The following DPY19L3 variants were observed in gnomAD, a reference collection of about 807,000 sequenced individuals.
DPY19L3 encodes the protein protein C-mannosyl-transferase DPY19L3.
DPY19L3 carries 51 observed loss-of-function variants against 92.3 expected under a neutral mutation model. The ratio of observed to expected loss-of-function variants is 0.55; its 90% confidence interval spans 0.44 to 0.70. The LOEUF (loss-of-function observed/expected upper bound fraction) is 0.70, where lower values mean the gene tolerates loss of function less well. Ranked by LOEUF, DPY19L3 falls within the 30% of genes least tolerant of loss-of-function variation. The pLI, the probability that DPY19L3 is intolerant of heterozygous loss-of-function variation, is 0.00. For missense variants in DPY19L3, 706 were observed against 855.9 expected (o/e 0.82, Z 2.18); for synonymous variants, 309 against 315.2 (o/e 0.98, Z 0.21).
chr19:32,455,059 CAT>C lies in DPY19L3; in HGVS notation c.1089+20_1089+21del. 7.1e-7 allele frequency: 1 copy of C among 1,403,474 alleles called. No homozygotes were observed. The highest frequency in any genetic ancestry group is 9.7e-7 in the Non-Finnish European group (1 of 1,029,796). 86.9% of individuals were successfully genotyped at this position (1,403,474 alleles called of 1,614,324 possible). On this transcript the variant is annotated intron_variant, in intron 10 of 18. Coordinates refer to ENST00000392250, the MANE Select transcript of DPY19L3 (RefSeq NM_001172774.2). ...AATTAAGGTAAGTTAATAAAAATGA[CAT>C]GTTTAATGTATTTTTAATTAACTTA...
rs578108981 is a variant in DPY19L3 at position 32,454,080 on chromosome 19, A to G, written c.987+804A>G. On this transcript the variant is annotated intron_variant, in intron 9 of 18. Transcript: ENST00000392250. ...TTGACTATCAAAAACAACAGTTCAC[A>G]GTCATCCTTTTAACCTTAATTATAA... 2.1e-3 allele frequency among the ~76,000 whole-genome samples: 322 copies of G among 152,340 alleles called. 2 individuals are homozygous for G. The highest frequency in any genetic ancestry group is 3.7e-3 in the Non-Finnish European group (252 of 68,036).
At chr19:32,417,307 C>G (rs887995505) in intron 3 of DPY19L3, among the ~76,000 whole-genome samples, 21 of 152,124 alleles carry the variant, frequency 1.4e-4, no homozygotes, top group African/African-American at 4.8e-4. Context: ...GTCACGAGAT[C>G]TGATGGCTTT....
At chr19:32,458,013 C>T in intron 10 of DPY19L3, 87 bp from the exon 11 acceptor site, 8 of 989,544 alleles carry the variant, frequency 8.1e-6, no homozygotes, top group African/African-American at 1.6e-5. Flanking sequence ...TGAAATTGGA[C>T]ACTGAATATG....
At chr19:32,455,180 G>C in intron 10 of DPY19L3, 140 bp downstream of exon 10, 1 of 575,234 alleles carries the variant, frequency 1.7e-6, no homozygotes, top group Non-Finnish European at 2.9e-6. Context: ...GGCTGGCCTT[G>C]AACACCTGGT....
At chr19:32,455,628 T>C (rs1416622055) in intron 10 of DPY19L3, among the ~76,000 whole-genome samples, 2 of 152,222 alleles carry the variant, frequency 1.3e-5, no homozygotes, top group Non-Finnish European at 2.9e-5. Context: ...CTATCTACTT[T>C]CTGCTGGAAA....
chr19:32,477,603 A>C lies in DPY19L3; in HGVS notation c.1779A>C (p.Leu593=), dbSNP rs763405271. 1.2e-6 allele frequency: 2 copies of C among 1,614,114 alleles called. No homozygotes were observed. Among genetic ancestry groups the C allele is most frequent in the Admixed American group, 3.3e-5 (2 of 60,022 alleles). ...AGVKLCTGRT[L]TNHPHYEDSS... is the part of the protein sequence containing the mutation. ...TCAAGCTGTGCACGGGAAGGACCCT[A>C]ACCAACCACCCGCACTATGAAGACA... The change falls in exon 17 of 19, where the codon CTA becomes CTC. Residue 593 remains leucine, a synonymous_variant. Transcript: ENST00000392250.
At chr19:32,454,586 AAAAAAG>A (rs900712525) in intron 9 of DPY19L3, among the ~76,000 whole-genome samples, 2 of 152,174 alleles carry the variant, frequency 1.3e-5, no homozygotes, top group African/African-American at 4.8e-5. Flanking sequence ...AAGAAAAAGA[AAAAAAG>A]AAAAAGATGT....
Position 32,447,821 on chromosome 19 carries a change from TAGATAGA to T in DPY19L3, c.856-5323_856-5317del, listed in dbSNP as rs1568344103. 5.6e-3 allele frequency among the ~76,000 whole-genome samples: 566 copies of T among 101,662 alleles called. 7 individuals are homozygous for T. The highest frequency in any genetic ancestry group is 0.045 in the South Asian group (154 of 3,414). The allele number at this position is 101,662 out of a possible 152,430, so 66.7% of individuals were successfully genotyped here. A position where few individuals can be genotyped will look rare whatever the true frequency, so the allele number is the denominator to read the frequency against. On this transcript the variant is annotated intron_variant, in intron 8 of 18. Coordinates refer to ENST00000392250, the MANE Select transcript of DPY19L3 (RefSeq NM_001172774.2). ...CTCATTCATAGATAGATAGATTAGA[TAGATAGA>T]TAGATAGATAGATAGATAGATAGAT... is the stretch of plus-strand genomic sequence containing the variant.
intron 14 of DPY19L3, 108 bp from the exon 15 acceptor site, chr19:32,464,620 T>C: frequency 1.6e-6 from 1 of 621,732 alleles, no homozygotes; most frequent in Non-Finnish European, 2.7e-6. Flanking sequence ...GAAAATCACT[T>C]GAGCCCAAGA....
intron 8 of DPY19L3, among the ~76,000 whole-genome samples, chr19:32,447,088 C>T (rs992546917): frequency 6.6e-6 from 1 of 152,114 alleles, no homozygotes; most frequent in South Asian, 2.1e-4. Context: ...GAATTAAGCT[C>T]ACTATTACAT....
intron 12 of DPY19L3, among the ~76,000 whole-genome samples, chr19:32,462,439 TAACA>T (rs1308898861): frequency 6.6e-6 from 1 of 152,206 alleles, no homozygotes; most frequent in African/African-American, 2.4e-5. Context: ...GTTTCCTCAA[TAACA>T]AACCACTGAA....
intron 17 of DPY19L3, 59 bp downstream of exon 17, chr19:32,477,713 CTA>C: frequency 6.2e-7 from 1 of 1,603,706 alleles, no homozygotes; most frequent in Non-Finnish European, 8.5e-7. Flanking sequence ...CTGCGTGTCC[CTA>C]TGTGTGGTAA....
chr19:32,460,189 C>G (rs1470993857), intron 12 of DPY19L3, among the ~76,000 whole-genome samples: 2 of 151,828 alleles, frequency 1.3e-5, no homozygotes, highest in African/African-American at 4.8e-5. Context: ...TTGCTTAAGG[C>G]TAGGAGTTCT....
chr19:32,472,300 ATGT>A (rs1970381208), intron 16 of DPY19L3, among the ~76,000 whole-genome samples: 1 of 152,056 alleles, frequency 6.6e-6, no homozygotes, highest in South Asian at 2.1e-4. Context: ...GACATTTGAC[ATGT>A]TGTTAAAGTC....
chr19:32,441,494 C>CTTTTTTTTTTTTTTTTTTTT (rs11326098), intron 8 of DPY19L3, among the ~76,000 whole-genome samples: 2 of 130,210 alleles, frequency 1.5e-5, no homozygotes, highest in Non-Finnish European at 1.6e-5. Flanking sequence ...ACATGTGTCT[C>CTTTTTTTTTTTTTTTTTTTT]TTTTTTTTTT....
At chr19:32,479,794 C>T (rs1050652919) in intron 17 of DPY19L3, among the ~76,000 whole-genome samples, 2 of 152,340 alleles carry the variant, frequency 1.3e-5, no homozygotes, top group East Asian at 3.9e-4. Context: ...GCGTTGCCCA[C>T]GGTGTGCTGC....
chr19:32,419,721 A>G (rs951145144), intron 3 of DPY19L3, among the ~76,000 whole-genome samples: 7 of 152,204 alleles, frequency 4.6e-5, no homozygotes, highest in Non-Finnish European at 1.0e-4. Context: ...GACATGAGCC[A>G]CAATGCCTGA....
intron 2 of DPY19L3, among the ~76,000 whole-genome samples, chr19:32,409,375 T>G (rs1380745269): frequency 1.3e-5 from 2 of 152,224 alleles, no homozygotes; most frequent in Non-Finnish European, 2.9e-5. Context: ...AGTTAACGTA[T>G]TTTTGAAATA....
At chr19:32,464,846 A>G (rs369461181) in intron 15 of DPY19L3, 62 bp downstream of exon 15, 238 of 1,191,180 alleles carry the variant, frequency 2.0e-4, no homozygotes, top group Non-Finnish European at 2.7e-4. Context: ...GCTTTGATTC[A>G]ATATATTTTG....
Sources: gnomAD v4.1 joint callset for allele counts (sites outside exome capture counted in the v4.1 genomes callset) on GRCh38, gnomAD v4.1.1 for gene constraint, MANE v1.5 for transcripts, NCBI Gene and HGNC (gene_info 2026-07-23, HGNC 2026-07-21) for gene names.